The following MAP4K4 variants were observed in gnomAD, a reference collection of about 807,000 sequenced individuals.
MAP4K4 encodes mitogen-activated protein kinase kinase kinase kinase 4.
In MAP4K4, 38 loss-of-function variants were observed where a neutral mutation model predicts 189.6. That is an observed-to-expected ratio of 0.20 (90% CI 0.15 to 0.26). The LOEUF is 0.26. Among genes scored for constraint, MAP4K4 ranks in the 10% least tolerant of loss-of-function variants. The pLI, the probability that MAP4K4 is intolerant of heterozygous loss-of-function variation, is 1.00. For synonymous variants in MAP4K4, 610 were observed against 624.3 expected, an observed-to-expected ratio of 0.98 and a Z score of 0.34; for missense variants, 1,054 against 1,726.9, an observed-to-expected ratio of 0.61 and a Z score of 6.91.
chr2:101,735,543 C>T (rs1380576143), intron 2 of MAP4K4, among the ~76,000 whole-genome samples: 1 of 152,150 alleles, frequency 6.6e-6, no homozygotes, highest in Non-Finnish European at 1.5e-5. Context: ...TCCCAGAATA[C>T]TCTAAGTCAC....
intron 2 of MAP4K4, among the ~76,000 whole-genome samples, chr2:101,741,132 C>T (rs1191992176): frequency 5.3e-5 from 8 of 149,820 alleles, no homozygotes; most frequent in Admixed American, 4.0e-4. Flanking sequence ...CCCTCTTTTG[C>T]TGTACATGGG....
At chr2:101,842,282 A>G (rs1008249643) in intron 10 of MAP4K4, among the ~76,000 whole-genome samples, 18 of 152,118 alleles carry the variant, frequency 1.2e-4, no homozygotes, top group Admixed American at 3.3e-4. Context: ...TGAATTTGCT[A>G]GTGCCCTCGG....
At chr2:101,813,252 T>C (rs965264816) in intron 3 of MAP4K4, among the ~76,000 whole-genome samples, 2 of 152,248 alleles carry the variant, frequency 1.3e-5, no homozygotes, top group African/African-American at 4.8e-5. Context: ...CAATAATCTT[T>C]TAAAATTACA....
intron 3 of MAP4K4, among the ~76,000 whole-genome samples, chr2:101,793,475 TGA>T (rs2093270446): frequency 6.6e-6 from 1 of 151,696 alleles, no homozygotes; most frequent in Non-Finnish European, 1.5e-5. Flanking sequence ...GCAGGCTGAA[TGA>T]GAGAGATTTT....
intron 2 of MAP4K4, among the ~76,000 whole-genome samples, chr2:101,734,657 T>C (rs2059697412): frequency 6.6e-6 from 1 of 152,208 alleles, no homozygotes; most frequent in African/African-American, 2.4e-5. Context: ...CTCTAGCCTG[T>C]GCACCGCTTG....
intron 20 of MAP4K4, chr2:101,867,543 A>G: frequency 2.0e-6 from 1 of 487,876 alleles, no homozygotes; most frequent in South Asian, 2.6e-5. Context: ...TTCCAGCCAT[A>G]CACTTGGTGT....
intron 2 of MAP4K4, among the ~76,000 whole-genome samples, chr2:101,764,509 T>C (rs991598855): frequency 5.3e-5 from 8 of 152,242 alleles, no homozygotes; most frequent in Non-Finnish European, 1.0e-4. Flanking sequence ...TATTAATATG[T>C]GCAAGGACAT....
At chr2:101,706,187 A>G (rs1048306542) in intron 2 of MAP4K4, among the ~76,000 whole-genome samples, 2 of 152,154 alleles carry the variant, frequency 1.3e-5, no homozygotes, top group African/African-American at 4.8e-5. Flanking sequence ...TCTGAAATTT[A>G]TTGCTATATT....
At chr2:101,822,907 C>T (rs2096155164) in intron 3 of MAP4K4, among the ~76,000 whole-genome samples, 2 of 152,186 alleles carry the variant, frequency 1.3e-5, no homozygotes, top group African/African-American at 2.4e-5. Flanking sequence ...CTTGATCTTA[C>T]ACTGTGCTTT....
intron 27 of MAP4K4, among the ~76,000 whole-genome samples, chr2:101,879,017 A>G (rs1334979205): frequency 4.6e-5 from 7 of 151,992 alleles, no homozygotes; most frequent in Admixed American, 1.3e-4. Context: ...CAGTGAAACA[A>G]GACAGTTCAT....
At chr2:101,866,440 C>G (rs1239259867) in exon 19 of MAP4K4, 2 of 1,612,730 alleles carry the variant, frequency 1.2e-6, no homozygotes, top group Non-Finnish European at 1.7e-6. Flanking sequence ...GTATTGAGCC[C>G]AGGCTTCTGT....
intron 2 of MAP4K4, among the ~76,000 whole-genome samples, chr2:101,703,460 A>G (rs2040178544): frequency 1.3e-5 from 2 of 151,836 alleles, no homozygotes; most frequent in East Asian, 1.9e-4. Context: ...TCTACTAAAA[A>G]TATAAAAAGT....
At chr2:101,876,906 C>T (rs2098220435) in intron 26 of MAP4K4, 97 bp from the exon 27 acceptor site, 1 of 1,262,396 alleles carries the variant, frequency 7.9e-7, no homozygotes, top group Non-Finnish European at 1.1e-6. Context: ...AAGGAAGCTA[C>T]ACTTTTTTCC....
chr2:101,744,872 C>T (rs1004791624), intron 2 of MAP4K4, among the ~76,000 whole-genome samples: 1 of 152,148 alleles, frequency 6.6e-6, no homozygotes, highest in African/African-American at 2.4e-5. Context: ...TTCTGAATAG[C>T]CAGAGTTTCT....
intron 3 of MAP4K4, among the ~76,000 whole-genome samples, chr2:101,817,032 G>A (rs992684463): frequency 5.9e-5 from 9 of 151,400 alleles, no homozygotes; most frequent in African/African-American, 2.2e-4. Context: ...TAGGAAAATA[G>A]TATATGACAA....
chr2:101,862,685 C>T (rs566789671), intron 16 of MAP4K4, among the ~76,000 whole-genome samples: 90 of 152,242 alleles, frequency 5.9e-4, no homozygotes, highest in African/African-American at 2.1e-3. Flanking sequence ...AGACTTTTCT[C>T]GTGTAGGACT....
intron 2 of MAP4K4, among the ~76,000 whole-genome samples, chr2:101,703,366 C>T (rs1298692747): frequency 6.6e-6 from 1 of 152,012 alleles, no homozygotes; most frequent in Non-Finnish European, 1.5e-5. Context: ...TTTGGGATTC[C>T]CAGCACTTTG....
At chr2:101,870,211 G>A in intron 22 of MAP4K4, 84 bp from the exon 23 acceptor site, 1 of 1,425,590 alleles carries the variant, frequency 7.0e-7, no homozygotes, top group Non-Finnish European at 9.6e-7. Flanking sequence ...CTCATGTTTT[G>A]ATTTTGAGAA....
intron 1 of MAP4K4, 26 bp downstream of exon 1, chr2:101,698,163 C>CG: frequency 8.8e-7 from 1 of 1,137,886 alleles, no homozygotes; most frequent in Non-Finnish European, 1.1e-6. Flanking sequence ...AGCGGGCGCG[C>CG]GGGGAGCGGG....
Sources: gnomAD v4.1 joint callset for allele counts (sites outside exome capture counted in the v4.1 genomes callset) on GRCh38, gnomAD v4.1.1 for gene constraint, MANE v1.5 for transcripts, NCBI Gene and HGNC (gene_info 2026-07-23, HGNC 2026-07-21) for gene names.